The following LINGO2 variants were observed in gnomAD, a reference collection of about 807,000 sequenced individuals.
LINGO2 encodes leucine rich repeat and Ig domain containing 2, also known as leucine-rich repeat and immunoglobulin-like domain-containing nogo receptor-interacting protein 2.
Under a neutral mutation model 30.6 loss-of-function variants are expected in LINGO2, and 14 were observed. The ratio of observed to expected loss-of-function variants is 0.46; its 90% confidence interval spans 0.30 to 0.72. LINGO2 has a LOEUF of 0.72. Among genes scored for constraint, LINGO2 ranks in the 30% least tolerant of loss-of-function variants. LINGO2 has a pLI of 0.07. For missense variants in LINGO2, 729 were observed against 751.7 expected (o/e 0.97, Z 0.35); for synonymous variants, 317 against 288.5 (o/e 1.10, Z -1.00).
chr9:29,195,352 T>TGTGTGTGTGTGG, the LINGO2 span, among the ~76,000 whole-genome samples: 14 of 152,062 alleles, frequency 9.2e-5, no homozygotes, highest in East Asian at 1.7e-3. Flanking sequence ...ATATTGTGTG[T>TGTGTGTGTGTGG]GTGTGTGTGT....
chr9:28,099,786 A>T (rs2133306367), intron 4 of LINGO2, among the ~76,000 whole-genome samples: 1 of 152,272 alleles, frequency 6.6e-6, no homozygotes, highest in Non-Finnish European at 1.5e-5. Context: ...GGTCTTAAAA[A>T]ACCTACTTCT....
At chr9:28,179,573 G>A (rs1253128420) in intron 4 of LINGO2, among the ~76,000 whole-genome samples, 2 of 117,410 alleles carry the variant, frequency 1.7e-5, no homozygotes, top group Non-Finnish European at 3.5e-5. Context: ...GTATGTATAC[G>A]ATATGTAGTA....
At chr9:28,368,743 C>G (rs954917158) in intron 3 of LINGO2, among the ~76,000 whole-genome samples, 5 of 151,820 alleles carry the variant, frequency 3.3e-5, no homozygotes, top group African/African-American at 1.2e-4. Context: ...ACTACAGGCG[C>G]CCGCCACCAC....
At chr9:28,384,760 A>G (rs746158944) in intron 2 of LINGO2, among the ~76,000 whole-genome samples, 3 of 152,092 alleles carry the variant, frequency 2.0e-5, no homozygotes, top group Non-Finnish European at 4.4e-5. Context: ...CAATTTTCTC[A>G]TCTAGATACT....
intron 4 of LINGO2, among the ~76,000 whole-genome samples, chr9:28,188,186 A>G (rs1465633230): frequency 6.6e-6 from 1 of 152,186 alleles, no homozygotes; most frequent in Admixed American, 6.5e-5. Flanking sequence ...GGCTTTTCAA[A>G]TGAGTCTAAC....
intron 1 of LINGO2, among the ~76,000 whole-genome samples, chr9:28,501,479 G>T (rs13288611): frequency 6.6e-6 from 1 of 151,994 alleles, no homozygotes; most frequent in Admixed American, 6.6e-5. Flanking sequence ...GTGGGGAAAA[G>T]GGCAATCTAA....
At chr9:28,110,308 C>A (rs561702281) in intron 4 of LINGO2, among the ~76,000 whole-genome samples, 1 of 152,236 alleles carries the variant, frequency 6.6e-6, no homozygotes, top group Non-Finnish European at 1.5e-5. Flanking sequence ...GAAAACTTAG[C>A]AATACCATTC....
At chr9:28,815,394 G>A in the LINGO2 span, among the ~76,000 whole-genome samples, 1 of 152,160 alleles carries the variant, frequency 6.6e-6, no homozygotes, top group Non-Finnish European at 1.5e-5. Flanking sequence ...CAAAAGAAAG[G>A]CAAAGGAGAT....
the LINGO2 span, among the ~76,000 whole-genome samples, chr9:28,807,765 T>C: frequency 2.6e-5 from 4 of 152,208 alleles, no homozygotes; most frequent in East Asian, 7.7e-4. Flanking sequence ...TGTAAAATGA[T>C]AGGCTTTTTG....
At chr9:28,645,158 A>G (rs1827784001) in intron 1 of LINGO2, among the ~76,000 whole-genome samples, 1 of 152,070 alleles carries the variant, frequency 6.6e-6, no homozygotes, top group Admixed American at 6.6e-5. Flanking sequence ...CTATACCTTA[A>G]TTCGGTGTTT....
chr9:28,367,003 C>T (rs10968534), intron 3 of LINGO2, among the ~76,000 whole-genome samples: 4 of 151,596 alleles, frequency 2.6e-5, no homozygotes, highest in South Asian at 2.1e-4. Flanking sequence ...TCTTTCTCAT[C>T]GATTTCCCAC....
chr9:28,973,680 A>T, the LINGO2 span, among the ~76,000 whole-genome samples: 1 of 152,168 alleles, frequency 6.6e-6, no homozygotes, highest in African/African-American at 2.4e-5. Context: ...TTTATAAATT[A>T]CCCAGTCTCA....
the LINGO2 span, among the ~76,000 whole-genome samples, chr9:29,006,899 T>C: frequency 6.6e-6 from 1 of 152,034 alleles, no homozygotes; most frequent in African/African-American, 2.4e-5. Context: ...TTAGCAGCAT[T>C]AGCTCTGTGA....
chr9:28,894,031 T>C, the LINGO2 span, among the ~76,000 whole-genome samples: 1 of 152,108 alleles, frequency 6.6e-6, no homozygotes, highest in East Asian at 1.9e-4. Flanking sequence ...GATAGTTTAC[T>C]GAGAATGATG....
the LINGO2 span, among the ~76,000 whole-genome samples, chr9:28,786,899 C>T: frequency 2.6e-5 from 4 of 152,108 alleles, no homozygotes; most frequent in Non-Finnish European, 5.9e-5. Context: ...TATCCTATTC[C>T]AGAGTTTAAT....
chr9:29,121,735 G>A, the LINGO2 span, among the ~76,000 whole-genome samples: 5 of 151,866 alleles, frequency 3.3e-5, no homozygotes, highest in Non-Finnish European at 5.9e-5. Context: ...ATCTCAGAAC[G>A]GCATCAGAGT....
intron 4 of LINGO2, among the ~76,000 whole-genome samples, chr9:28,258,031 T>G (rs1013173189): frequency 6.6e-6 from 1 of 151,932 alleles, no homozygotes; most frequent in Non-Finnish European, 1.5e-5. Context: ...AATGACAAAT[T>G]TTATTCTTTG....
chr9:28,121,818 T>G (rs1827104667), intron 4 of LINGO2, among the ~76,000 whole-genome samples: 1 of 152,178 alleles, frequency 6.6e-6, no homozygotes, highest in Non-Finnish European at 1.5e-5. Flanking sequence ...CACTAGAATA[T>G]GAATCAGTGA....
intron 1 of LINGO2, among the ~76,000 whole-genome samples, chr9:28,535,469 G>A (rs1821397217): frequency 6.6e-6 from 1 of 152,070 alleles, no homozygotes; most frequent in Non-Finnish European, 1.5e-5. Context: ...CCATTCTGGG[G>A]ATGCTAGGTA....
Sources: allele counts gnomAD v4.1 joint callset (sites outside exome capture counted in the v4.1 genomes callset), GRCh38; gene constraint gnomAD v4.1.1; transcripts MANE v1.5; gene names NCBI Gene and HGNC (gene_info 2026-07-23, HGNC 2026-07-21).